The following OTUD5 variants were observed in gnomAD, a reference collection of about 807,000 sequenced individuals.
OTUD5 encodes OTU domain-containing protein 5.
OTUD5 carries 2 observed loss-of-function variants against 36.3 expected under a neutral mutation model. That is an observed-to-expected ratio of 0.06 (90% CI 0.02 to 0.17). OTUD5 has a LOEUF of 0.17. Ranked by LOEUF, OTUD5 falls within the 10% of genes least tolerant of loss-of-function variation. The pLI is 1.00. For synonymous variants in OTUD5, 234 were observed against 214.9 expected (o/e 1.09, Z -0.78); for missense variants, 233 against 512.3 (o/e 0.45, Z 5.26).
Position 48,923,431 on chromosome X carries a change from G to A in OTUD5, c.1580-136C>T, listed in dbSNP as rs1234415334. On this transcript the variant is annotated intron_variant, in intron 8 of 8. Coordinates refer to ENST00000376488, the MANE Select transcript of OTUD5 (RefSeq NM_001136157.2). ...CTCCTTTCTCAAAACAGAAGGATCT[G>A]CTAGGCCTGTGAAACCCCACTTAGA... The A allele has an allele frequency of 5.1e-6, 3 of 587,946 alleles. No homozygotes were observed. In the East Asian group the frequency reaches 1.1e-4, roughly 21 times the overall value. The allele number at this position is 587,946 out of a possible 1,213,427, so 48.5% of individuals were successfully genotyped here. A position where few individuals can be genotyped will look rare whatever the true frequency, so the allele number is the denominator to read the frequency against.
At chrX:48,947,540 T>C (rs1392455398) in intron 1 of OTUD5, among the ~76,000 whole-genome samples, 2 of 105,993 alleles carry the variant, frequency 1.9e-5, no homozygotes, top group African/African-American at 6.9e-5. Context: ...CCGTCTCTAC[T>C]GAAAAATACA....
intron 1 of OTUD5, among the ~76,000 whole-genome samples, chrX:48,955,023 T>A (rs782084989): frequency 3.6e-5 from 4 of 111,807 alleles, no homozygotes; most frequent in Non-Finnish European, 7.5e-5. Flanking sequence ...AAGGATTGCC[T>A]GGTGTGGTAG....
At chrX:48,953,947 C>A (rs2147684589) in intron 1 of OTUD5, among the ~76,000 whole-genome samples, 1 of 110,528 alleles carries the variant, frequency 9.0e-6, no homozygotes, top group African/African-American at 3.3e-5. Flanking sequence ...AGTTTAGGAC[C>A]AAGACTGGGG....
chrX:48,930,035 T>C (rs1438506622), intron 5 of OTUD5, among the ~76,000 whole-genome samples: 1 of 105,379 alleles, frequency 9.5e-6, no homozygotes, highest in African/African-American at 3.5e-5. Flanking sequence ...ACCTGGGAGG[T>C]GGAGCTTGCT....
chrX:48,930,652 G>A (rs1431366476), intron 5 of OTUD5, among the ~76,000 whole-genome samples: 1 of 111,476 alleles, frequency 9.0e-6, no homozygotes, highest in Non-Finnish European at 1.9e-5. Flanking sequence ...TACATGCCAG[G>A]GCTCTCTAAA....
chrX:48,928,342 C>G (rs2063698132), intron 5 of OTUD5, among the ~76,000 whole-genome samples: 1 of 112,208 alleles, frequency 8.9e-6, no homozygotes, highest in African/African-American at 3.2e-5. Flanking sequence ...TATTCATAAT[C>G]ATCAAAAACT....
intron 2 of OTUD5, 94 bp from the exon 3 acceptor site, chrX:48,935,112 A>G: frequency 1.2e-6 from 1 of 866,348 alleles, no homozygotes; most frequent in Non-Finnish European, 1.7e-6. Context: ...GAACTGGGGG[A>G]CCAGGGAAAT....
chrX:48,957,701 C>G (rs1479911662), upstream of OTUD5: 17 of 794,013 alleles, frequency 2.1e-5, no homozygotes, highest in African/African-American at 3.3e-4. Flanking sequence ...ATCGCGGCAC[C>G]GGTTCGAGAA....
intron 2 of OTUD5, among the ~76,000 whole-genome samples, chrX:48,942,086 C>T (rs1557051178): frequency 9.1e-6 from 1 of 109,889 alleles, no homozygotes; most frequent in Non-Finnish European, 1.9e-5. Context: ...GAGGAAGGGT[C>T]GGGAGTATTT....
chrX:48,957,899 C>T (rs1240525240), upstream of OTUD5: 24 of 645,319 alleles, frequency 3.7e-5, no homozygotes, highest in African/African-American at 5.5e-4. Flanking sequence ...GGAAACAGAA[C>T]CAAAACAAGC....
chrX:48,935,621 T>C (rs1475577466), intron 2 of OTUD5, among the ~76,000 whole-genome samples: 2 of 111,339 alleles, frequency 1.8e-5, no homozygotes, highest in Non-Finnish European at 3.8e-5. Flanking sequence ...GAGCCTCATA[T>C]ACCTCATCTG....
chrX:48,924,757 C>G (rs782810777), intron 6 of OTUD5, among the ~76,000 whole-genome samples: 10 of 112,431 alleles, frequency 8.9e-5, no homozygotes, highest in Non-Finnish European at 1.9e-4. Flanking sequence ...TGCGCTATTT[C>G]ATACCGTGAA....
Position 48,923,154 on chromosome X carries a change from G to A in OTUD5, c.*20C>T, listed in dbSNP as rs782358229. ...AGGAGTACTGGGGTTGGGAGATGGT[G>A]TCCAATCCCTGGGTCTCCATCAACT... is the stretch of plus-strand genomic sequence containing the variant. On this transcript the variant is annotated 3_prime_UTR_variant, in exon 9 of 9. Coordinates refer to ENST00000376488, the MANE Select transcript of OTUD5 (RefSeq NM_001136157.2). 1.7e-6 allele frequency: 2 copies of A among 1,210,245 alleles called. No homozygotes were observed. Among genetic ancestry groups the A allele is most frequent in the Non-Finnish European group, 2.2e-6 (2 of 894,482 alleles).
intron 2 of OTUD5, among the ~76,000 whole-genome samples, chrX:48,941,495 T>C (rs948783053): frequency 2.9e-5 from 3 of 104,326 alleles, no homozygotes; most frequent in Non-Finnish European, 3.9e-5. Context: ...TGGACACCTC[T>C]GGGTTCCCAG....
chrX:48,957,952 T>TG (rs1418198654), upstream of OTUD5: 2 of 435,013 alleles, frequency 4.6e-6, no homozygotes, highest in South Asian at 1.1e-4. Flanking sequence ...CACTACCGGG[T>TG]GGGGCCCCGG....
chrX:48,951,856 G>C (rs1173390622), intron 1 of OTUD5, among the ~76,000 whole-genome samples: 3 of 111,580 alleles, frequency 2.7e-5, no homozygotes, highest in Non-Finnish European at 5.7e-5. Flanking sequence ...GAGTTCAGGA[G>C]ACCAGCTTTG....
At chrX:48,925,016 C>T (rs2063641908) in intron 6 of OTUD5, among the ~76,000 whole-genome samples, 1 of 110,852 alleles carries the variant, frequency 9.0e-6, no homozygotes, top group Non-Finnish European at 1.9e-5. Flanking sequence ...CGGTGGCTCA[C>T]GCCTGTAATC....
chrX:48,957,628 C>T (rs2064276200), upstream of OTUD5: 10 of 800,547 alleles, frequency 1.2e-5, no homozygotes, highest in Non-Finnish European at 1.5e-5. Context: ...GGGAGAGAAC[C>T]CGGATGAGGG....
chrX:48,924,163 T>C (rs2063627027), intron 6 of OTUD5, 111 bp from the exon 7 acceptor site: 9 of 698,711 alleles, frequency 1.3e-5, no homozygotes, highest in South Asian at 2.6e-5. Context: ...ATACAGCTTC[T>C]ATGTAGGTCA....
Sources: allele counts gnomAD v4.1 joint callset (sites outside exome capture counted in the v4.1 genomes callset), GRCh38; gene constraint gnomAD v4.1.1; transcripts MANE v1.5; gene names NCBI Gene and HGNC (gene_info 2026-07-23, HGNC 2026-07-21).